ERC1: variants seen among roughly 807,000 people sequenced by gnomAD.
ERC1 encodes the protein ELKS/RAB6-interacting/CAST family member 1.
ERC1 carries 56 observed loss-of-function variants against 132.0 expected under a neutral mutation model. That is an observed-to-expected ratio of 0.42 (90% CI 0.34 to 0.53). The LOEUF (loss-of-function observed/expected upper bound fraction) is 0.53. ERC1 is among the 20% of genes least tolerant of loss of function. The pLI is 0.03. For synonymous variants in ERC1, 478 were observed against 476.1 expected, an observed-to-expected ratio of 1.00 and a Z score of -0.05; for missense variants, 1,202 against 1,349.9, an observed-to-expected ratio of 0.89 and a Z score of 1.72.
chr12:1,211,368 C>T (rs1470483761), intron 12 of ERC1, among the ~76,000 whole-genome samples: 4 of 151,914 alleles, frequency 2.6e-5, no homozygotes, highest in African/African-American at 7.3e-5. Flanking sequence ...AGGCTGGTCT[C>T]GAATTCCCAT....
In ERC1 at chr12:1,222,534, A is replaced by AT. The variant is rs1438016499; in HGVS notation, c.2352-14231dup. Among the ~76,000 whole-genome samples, 5 of 152,210 alleles carry AT rather than the reference A, an allele frequency of 3.3e-5. No homozygotes were observed. The East Asian group carries it at 9.6e-4, about 29-fold the overall frequency. On this transcript the variant is annotated intron_variant, in intron 12 of 18. Coordinates refer to ENST00000360905, the MANE Select transcript of ERC1 (RefSeq NM_178040.4). ...CTGGCCCATATTCTCTATATGTAAC[A>AT]TTTTATAAATATTATAGATGTTTAT...
rs566061444 is a variant in ERC1 at position 1,395,067 on chromosome 12, G to A, written c.2926-13082G>A. Reference sequence around the variant, plus strand: ...GTTCTTTGAGAACAGATACAGCTGGGAGAAATGATCCTATGACATTAAAAC... The same window carrying A: ...GTTCTTTGAGAACAGATACAGCTGGAAGAAATGATCCTATGACATTAAAAC... On this transcript the variant is annotated intron_variant, in intron 16 of 18. Coordinates refer to ENST00000360905, the MANE Select transcript of ERC1 (RefSeq NM_178040.4). Among the ~76,000 whole-genome samples the A allele has an allele frequency of 3.3e-5, 5 of 152,304 alleles. No homozygotes were observed. In the South Asian group the frequency reaches 6.2e-4, roughly 19 times the overall value.
chr12:1,333,157 G>A (rs1472844457), intron 15 of ERC1, among the ~76,000 whole-genome samples: 12 of 151,174 alleles, frequency 7.9e-5, no homozygotes, highest in Admixed American at 2.0e-4. Context: ...ATGTGTCCGC[G>A]TGTTCTCATC....
intron 3 of ERC1, among the ~76,000 whole-genome samples, chr12:1,098,228 G>A (rs1390598522): frequency 4.6e-5 from 7 of 152,158 alleles, no homozygotes; most frequent in Non-Finnish European, 7.3e-5. Context: ...GTTATTTCAT[G>A]CATTTTGTTT....
chr12:1,394,123 G>A (rs549947354), intron 16 of ERC1, among the ~76,000 whole-genome samples: 78 of 147,158 alleles, frequency 5.3e-4, no homozygotes, highest in Admixed American at 1.1e-3. Flanking sequence ...TTTTTAGGCC[G>A]GGCACAGTGG....
At chr12:1,218,023 G>A (rs1958587486) in intron 12 of ERC1, among the ~76,000 whole-genome samples, 1 of 152,080 alleles carries the variant, frequency 6.6e-6, no homozygotes, top group Non-Finnish European at 1.5e-5. Context: ...CTAATTAAGA[G>A]GACTATTAGA....
chr12:1,308,930 G>A (rs561214469), intron 15 of ERC1, among the ~76,000 whole-genome samples: 1 of 152,288 alleles, frequency 6.6e-6, no homozygotes, highest in South Asian at 2.1e-4. Flanking sequence ...TCTTGAAGGT[G>A]GAGTTCTTAT....
At chr12:1,231,197 C>T (rs2075012234) in intron 12 of ERC1, among the ~76,000 whole-genome samples, 1 of 150,032 alleles carries the variant, frequency 6.7e-6, no homozygotes, top group South Asian at 2.1e-4. Flanking sequence ...TTATATGTTA[C>T]TGGAGGTTAG....
intron 3 of ERC1, among the ~76,000 whole-genome samples, chr12:1,097,002 A>G (rs1040103655): frequency 2.6e-5 from 4 of 152,364 alleles, no homozygotes; most frequent in African/African-American, 7.2e-5. Flanking sequence ...TATCATTCCT[A>G]GGTATCATCC....
chr12:1,428,499 A>G (rs1339689566), intron 17 of ERC1, among the ~76,000 whole-genome samples: 1 of 152,078 alleles, frequency 6.6e-6, no homozygotes, highest in Non-Finnish European at 1.5e-5. Context: ...GCCTTCTAGA[A>G]TGTTATATCA....
chr12:1,335,591 G>A (rs2083243736), intron 15 of ERC1, among the ~76,000 whole-genome samples: 1 of 152,096 alleles, frequency 6.6e-6, no homozygotes, highest in Non-Finnish European at 1.5e-5. Flanking sequence ...GATCTTGGTG[G>A]ATAAGCCTTT....
chr12:1,092,393 A>C (rs1254420651), intron 3 of ERC1, among the ~76,000 whole-genome samples: 1 of 152,236 alleles, frequency 6.6e-6, no homozygotes, highest in Admixed American at 6.5e-5. Flanking sequence ...AGTCTATATC[A>C]GCAAAGCAGC....
At chr12:1,368,891 CCTT>C (rs773024053) in intron 15 of ERC1, among the ~76,000 whole-genome samples, 2 of 151,914 alleles carry the variant, frequency 1.3e-5, no homozygotes, top group Non-Finnish European at 2.9e-5. Context: ...TATGAATTGC[CCTT>C]CTTAGGCACC....
intron 15 of ERC1, among the ~76,000 whole-genome samples, chr12:1,329,127 C>G (rs1388024240): frequency 6.8e-6 from 1 of 146,172 alleles, no homozygotes; most frequent in East Asian, 2.1e-4. Context: ...AACCCCATCT[C>G]TACTAAAAAA....
chr12:1,122,917 A>G (rs1215301416), intron 7 of ERC1, among the ~76,000 whole-genome samples: 1 of 152,018 alleles, frequency 6.6e-6, no homozygotes, highest in East Asian at 1.9e-4. Context: ...TTCCCCTTTC[A>G]GCATCCTCTC....
intron 1 of ERC1, among the ~76,000 whole-genome samples, chr12:1,026,425 A>G (rs769148033): frequency 6.6e-6 from 1 of 152,230 alleles, no homozygotes; most frequent in Non-Finnish European, 1.5e-5. Flanking sequence ...TTTAACATAT[A>G]TTAAATTCCC....
intron 16 of ERC1, chr12:1,387,052 T>C (rs1003499680): frequency 6.6e-6 from 1 of 152,286 alleles, no homozygotes; most frequent in South Asian, 2.1e-4. Flanking sequence ...GCCCTTTTTT[T>C]CTTCCAGTTT....
intron 12 of ERC1, among the ~76,000 whole-genome samples, chr12:1,231,401 T>C (rs575119085): frequency 1.3e-5 from 2 of 152,332 alleles, no homozygotes; most frequent in African/African-American, 4.8e-5. Context: ...GCTATAGTTA[T>C]TTTTATACTT....
chr12:1,118,389 C>G (rs1946690480), intron 7 of ERC1, among the ~76,000 whole-genome samples: 1 of 152,140 alleles, frequency 6.6e-6, no homozygotes. Context: ...TTAGCCAGGT[C>G]TCACCCAGAT....
Sources: allele counts gnomAD v4.1 joint callset (sites outside exome capture counted in the v4.1 genomes callset), GRCh38; gene constraint gnomAD v4.1.1; transcripts MANE v1.5; gene names NCBI Gene and HGNC (gene_info 2026-07-23, HGNC 2026-07-21).